The following PTPRS variants were observed in gnomAD, a reference collection of about 807,000 sequenced individuals.
The protein encoded by PTPRS is receptor-type tyrosine-protein phosphatase S.
In PTPRS, 63 loss-of-function variants were observed where a neutral mutation model predicts 215.3. The ratio of observed to expected loss-of-function variants is 0.29; its 90% CI spans 0.24 to 0.36. The LOEUF (loss-of-function observed/expected upper bound fraction) is 0.36. Among genes scored for constraint, PTPRS ranks in the 10% least tolerant of loss-of-function variants. The probability of loss-of-function intolerance (pLI) is 1.00; values close to 1 mark genes in which losing one functional copy is unlikely to be tolerated. For synonymous variants in PTPRS, 1,404 were observed against 1,191.4 expected (o/e 1.18, Z -3.68); for missense variants, 2,258 against 2,825.8 (o/e 0.80, Z 4.56).
chr19:5,322,602 C>T (rs1343489045), intron 1 of PTPRS, among the ~76,000 whole-genome samples: 2 of 152,068 alleles, frequency 1.3e-5, no homozygotes, highest in South Asian at 2.1e-4. Flanking sequence ...CTCAGGCGGC[C>T]GGGCGCGGTG....
chr19:5,234,801 A>G (rs184460370), intron 13 of PTPRS, among the ~76,000 whole-genome samples: 34 of 152,202 alleles, frequency 2.2e-4, no homozygotes, highest in Non-Finnish European at 4.0e-4. Flanking sequence ...TAGTCACCAC[A>G]TATTAAGCAC....
chr19:5,274,094 G>T, intron 3 of PTPRS, 105 bp downstream of exon 3: 1 of 1,461,104 alleles, frequency 6.8e-7, no homozygotes, highest in Non-Finnish European at 9.2e-7. Context: ...CACAGATGAT[G>T]CTCCACCTGG....
chr19:5,288,726 G>A (rs745933261), intron 1 of PTPRS, among the ~76,000 whole-genome samples: 3 of 152,210 alleles, frequency 2.0e-5, no homozygotes, highest in Non-Finnish European at 2.9e-5. Context: ...ATGGGTAGGA[G>A]TCACTTGCAC....
At chr19:5,291,651 C>T (rs1600022479) in intron 1 of PTPRS, among the ~76,000 whole-genome samples, 1 of 152,222 alleles carries the variant, frequency 6.6e-6, no homozygotes, top group East Asian at 1.9e-4. Context: ...GGTCTCTGAG[C>T]CTCTTCGCAT....
At chr19:5,271,591 G>A (rs1250796138) in intron 4 of PTPRS, among the ~76,000 whole-genome samples, 1 of 151,856 alleles carries the variant, frequency 6.6e-6, no homozygotes, top group Non-Finnish European at 1.5e-5. Flanking sequence ...GTACAGACAG[G>A]GTTTCACCAT....
intron 2 of PTPRS, among the ~76,000 whole-genome samples, chr19:5,280,931 A>C (rs550267588): frequency 6.6e-6 from 1 of 151,828 alleles, no homozygotes; most frequent in African/African-American, 2.4e-5. Flanking sequence ...AGCTGGGATT[A>C]CAGGAACCCA....
intron 20 of PTPRS, 21 bp from the exon 21 acceptor site, chr19:5,220,374 G>C (rs1599439303): frequency 1.9e-6 from 3 of 1,598,000 alleles, no homozygotes; most frequent in Middle Eastern, 1.7e-4. Context: ...ATGGGAAAGA[G>C]TCAGAGGGGC....
intron 26 of PTPRS, 22 bp from the exon 27 acceptor site, chr19:5,215,617 G>A (rs556898715): frequency 1.1e-5 from 17 of 1,560,964 alleles, no homozygotes; most frequent in African/African-American, 8.1e-5. Context: ...AGCAGACCCC[G>A]CCGGGGTTGG....
At chr19:5,214,192 G>A (rs1255821187) in intron 30 of PTPRS, among the ~76,000 whole-genome samples, 169 bp downstream of exon 30, 1 of 152,220 alleles carries the variant, frequency 6.6e-6, no homozygotes, top group African/African-American at 2.4e-5. Flanking sequence ...CTGAGCCTCA[G>A]TTTCCCCCTC....
Position 5,244,557 on chromosome 19 carries a change from C to T in PTPRS, c.989-75G>A. ...CCCTGAAGGCTGTGTGACTTTTCAC[C>T]ATTCAGTCGCCTTCTCTGAGCCTTG... On this transcript the variant is annotated intron_variant, in intron 10 of 37. Coordinates refer to ENST00000262963, the MANE Select transcript of PTPRS (RefSeq NM_002850.4). This position sits in a 1 kb window ranked among gnomAD's most constrained non-coding sequence, Gnocchi z 7.2. 9 of 1,230,418 alleles carry T rather than the reference C, an allele frequency of 7.3e-6. No individual in the cohort carries two copies. In the South Asian group the frequency reaches 8.6e-5, roughly 12 times the overall value. 76.2% of individuals were successfully genotyped at this position (1,230,418 alleles called of 1,614,324 possible).
At chr19:5,258,438 T>C (rs1167671804) in intron 7 of PTPRS, among the ~76,000 whole-genome samples, 3 of 152,168 alleles carry the variant, frequency 2.0e-5, no homozygotes, top group Non-Finnish European at 4.4e-5. Flanking sequence ...TGGAGAAAAG[T>C]GTGTTTGAGA....
intron 4 of PTPRS, among the ~76,000 whole-genome samples, chr19:5,268,377 T>C (rs1488341328): frequency 6.6e-6 from 1 of 151,978 alleles, no homozygotes; most frequent in Non-Finnish European, 1.5e-5. Context: ...TAGACAATGT[T>C]TCTGTTTGTT....
intron 1 of PTPRS, among the ~76,000 whole-genome samples, chr19:5,309,155 AG>A (rs916427812): frequency 2.0e-5 from 3 of 151,716 alleles, no homozygotes; most frequent in Non-Finnish European, 4.4e-5. Context: ...GAAGGGAGGA[AG>A]GGGGGGTTGG....
intron 1 of PTPRS, among the ~76,000 whole-genome samples, chr19:5,325,852 T>G (rs1440192796): frequency 3.3e-5 from 5 of 152,228 alleles, no homozygotes; most frequent in African/African-American, 1.2e-4. Context: ...GAAGCAACGC[T>G]CAGTTCAAGA....
rs1238490453 is a variant in PTPRS, at chr19:5,239,162, GGGGAGAGA to G, written c.1705-107_1705-100del. 7.8e-4 allele frequency: 402 copies of G among 512,552 alleles called. 2 individuals are homozygous for G. The highest frequency in any genetic ancestry group is 1.3e-3 in the Admixed American group (38 of 28,976). The allele number at this position is 512,552 out of a possible 1,614,324, so 31.8% of individuals were successfully genotyped here. A position where few individuals can be genotyped will look rare whatever the true frequency, so the allele number is the denominator to read the frequency against. On this transcript the variant is annotated intron_variant, in intron 12 of 37. Coordinates refer to ENST00000262963, the MANE Select transcript of PTPRS (RefSeq NM_002850.4). ...AGAGAGACAGAAACAGAGGGGGGAG[GGGGAGAGA>G]GAGAGAGAGAGAGAGAGACAGAGAA...
chr19:5,311,769 G>A (rs1478088145), intron 1 of PTPRS, among the ~76,000 whole-genome samples: 1 of 152,038 alleles, frequency 6.6e-6, no homozygotes, highest in African/African-American at 2.4e-5. Context: ...GGCCGGGTGC[G>A]GTGGCTCACG....
intron 5 of PTPRS, among the ~76,000 whole-genome samples, chr19:5,264,393 C>T (rs2046253715): frequency 6.6e-6 from 1 of 152,210 alleles, no homozygotes; most frequent in African/African-American, 2.4e-5. Context: ...GCTGGTCTCC[C>T]CTTGTCACCC....
chr19:5,265,946 T>C (rs765892865), intron 4 of PTPRS, among the ~76,000 whole-genome samples: 48 of 152,228 alleles, frequency 3.2e-4, no homozygotes, highest in Middle Eastern at 3.4e-3. Context: ...TTTTAAAAAA[T>C]TTTTAAACAG....
intron 18 of PTPRS, 39 bp downstream of exon 18, chr19:5,222,650 C>A: frequency 1.3e-6 from 2 of 1,484,868 alleles, no homozygotes; most frequent in South Asian, 1.3e-5. Flanking sequence ...GGGCGCAAGG[C>A]CCGGTCCGGC....
Sources: gnomAD v4.1 joint callset for allele counts (sites outside exome capture counted in the v4.1 genomes callset) on GRCh38, gnomAD v4.1.1 for gene constraint, Gnocchi (gnomAD v3.1) non-coding constraint, MANE v1.5 for transcripts, NCBI Gene and HGNC (gene_info 2026-07-23, HGNC 2026-07-21) for gene names.